ERBB4: variants seen among roughly 807,000 people sequenced by gnomAD.
ERBB4 encodes the protein receptor tyrosine-protein kinase erbB-4.
In ERBB4, 42 loss-of-function variants were observed where a neutral mutation model predicts 158.0. That is an observed-to-expected ratio of 0.27 (90% confidence interval 0.21 to 0.34). The LOEUF (loss-of-function observed/expected upper bound fraction) is 0.34. Ranked by LOEUF, ERBB4 falls within the 10% of genes least tolerant of loss-of-function variation. The probability of loss-of-function intolerance (pLI) is 1.00; values close to 1 mark genes in which losing one functional copy is unlikely to be tolerated. For missense variants in ERBB4, 1,333 were observed against 1,624.1 expected (o/e 0.82, Z 3.08); for synonymous variants, 583 against 558.7 (o/e 1.04, Z -0.61).
At chr2:212,259,508 C>T (rs970136433) in intron 1 of ERBB4, among the ~76,000 whole-genome samples, 28 of 152,082 alleles carry the variant, frequency 1.8e-4, no homozygotes, top group African/African-American at 6.5e-4. Flanking sequence ...GACACAAGTA[C>T]GGATCTGTTG....
At chr2:211,494,780 T>C (rs949325941) in intron 20 of ERBB4, among the ~76,000 whole-genome samples, 2 of 152,150 alleles carry the variant, frequency 1.3e-5, no homozygotes, top group African/African-American at 4.8e-5. Flanking sequence ...GTTATTTAAT[T>C]GGCTGCTTTC....
At chr2:212,264,279 A>T (rs1017646826) in intron 1 of ERBB4, among the ~76,000 whole-genome samples, 1 of 152,118 alleles carries the variant, frequency 6.6e-6, no homozygotes, top group Non-Finnish European at 1.5e-5. Context: ...ACTAAGGAAA[A>T]GCTCTCGTTG....
chr2:211,682,056 A>ACACACACT (rs753328020), intron 12 of ERBB4, among the ~76,000 whole-genome samples: 1 of 104,436 alleles, frequency 9.6e-6, no homozygotes, highest in Non-Finnish European at 2.2e-5. Flanking sequence ...CACATCACAC[A>ACACACACT]CACACACACA....
chr2:212,062,268 G>C (rs966136244), intron 2 of ERBB4, among the ~76,000 whole-genome samples: 2 of 152,026 alleles, frequency 1.3e-5, no homozygotes, highest in Non-Finnish European at 2.9e-5. Context: ...CTTTTCTACA[G>C]ATCTCCATTC....
chr2:211,791,448 C>T (rs1282305586), intron 3 of ERBB4, among the ~76,000 whole-genome samples: 1 of 151,580 alleles, frequency 6.6e-6, no homozygotes, highest in Non-Finnish European at 1.5e-5. Flanking sequence ...GAAAGATAGG[C>T]AAAGGAGGCA....
chr2:211,487,450 T>C (rs1397602259), intron 20 of ERBB4, among the ~76,000 whole-genome samples: 2 of 152,096 alleles, frequency 1.3e-5, no homozygotes, highest in African/African-American at 2.4e-5. Context: ...GTCAACTTTG[T>C]TTTTTAACTG....
intron 1 of ERBB4, among the ~76,000 whole-genome samples, chr2:212,187,421 T>TA (rs61071336): frequency 0.034 from 4,993 of 146,758 alleles, 124 homozygotes; most frequent in Non-Finnish European, 0.047. Context: ...TAAAGTATAA[T>TA]AATAAATAAA....
intron 3 of ERBB4, among the ~76,000 whole-genome samples, chr2:211,812,467 G>T (rs1280891374): frequency 3.3e-5 from 5 of 152,208 alleles, no homozygotes; most frequent in Non-Finnish European, 5.9e-5. Flanking sequence ...CCTACTGGGA[G>T]GTGTCTCCCA....
At chr2:211,923,182 C>G (rs888243373) in intron 3 of ERBB4, among the ~76,000 whole-genome samples, 2 of 151,928 alleles carry the variant, frequency 1.3e-5, no homozygotes. Context: ...GAAGACAAGA[C>G]GGCAAAGCAG....
chr2:211,715,290 C>T (rs1245367299), intron 7 of ERBB4, among the ~76,000 whole-genome samples: 2 of 152,064 alleles, frequency 1.3e-5, no homozygotes, highest in Non-Finnish European at 2.9e-5. Flanking sequence ...AGTCAATATC[C>T]ACATGAAAGC....
rs916769212 is a variant in ERBB4, at chr2:211,513,373, A to C, written c.2487+48530T>G. Reference sequence around the variant, plus strand: ...ACTCCGTCTCAAAAAAAAAAAAAAAAAAACAAAAAAAAAACACTGATCCTA... The same window carrying C: ...ACTCCGTCTCAAAAAAAAAAAAAAACAAACAAAAAAAAAACACTGATCCTA... On this transcript the variant is annotated intron_variant, in intron 20 of 27. Transcript: ENST00000342788. 1.4e-4 allele frequency among the ~76,000 whole-genome samples: 11 copies of C among 76,502 alleles called. No homozygotes were observed. In the East Asian group the frequency reaches 1.9e-3, roughly 13 times the overall value. The allele number at this position is 76,502 out of a possible 152,430, so 50.2% of individuals were successfully genotyped here.
intron 3 of ERBB4, among the ~76,000 whole-genome samples, chr2:211,915,326 C>T (rs368904760): frequency 6.6e-6 from 1 of 151,858 alleles, no homozygotes; most frequent in South Asian, 2.1e-4. Flanking sequence ...TCATTTATTC[C>T]CTTCAATAAC....
intron 1 of ERBB4, among the ~76,000 whole-genome samples, chr2:212,429,709 C>T (rs1425637055): frequency 1.3e-5 from 2 of 151,922 alleles, no homozygotes; most frequent in Non-Finnish European, 2.9e-5. Flanking sequence ...ACATGATGAA[C>T]ACATGATGAA....
At chr2:211,908,606 G>C (rs1196604375) in intron 3 of ERBB4, among the ~76,000 whole-genome samples, 1 of 151,764 alleles carries the variant, frequency 6.6e-6, no homozygotes, top group Non-Finnish European at 1.5e-5. Context: ...AACACCCACT[G>C]AATCAGGTTG....
intron 1 of ERBB4, among the ~76,000 whole-genome samples, chr2:212,354,752 C>G (rs530860437): frequency 7.9e-5 from 12 of 151,736 alleles, no homozygotes; most frequent in Admixed American, 7.2e-4. Context: ...GAAAGAGAAG[C>G]AAAAAAGGTA....
chr2:211,543,679 C>T (rs958884622), intron 20 of ERBB4, among the ~76,000 whole-genome samples: 9 of 151,700 alleles, frequency 5.9e-5, no homozygotes, highest in African/African-American at 1.9e-4. Flanking sequence ...TTTTGTATCA[C>T]AGTCCATAGG....
intron 20 of ERBB4, among the ~76,000 whole-genome samples, chr2:211,484,199 T>C (rs982397130): frequency 2.6e-5 from 4 of 151,934 alleles, no homozygotes; most frequent in Admixed American, 1.3e-4. Flanking sequence ...GATAGAGTCA[T>C]AATAATTAAT....
chr2:211,987,990 C>T (rs954683826), intron 2 of ERBB4, among the ~76,000 whole-genome samples: 1 of 152,132 alleles, frequency 6.6e-6, no homozygotes, highest in African/African-American at 2.4e-5. Flanking sequence ...AGTGACATTA[C>T]AAATTTCTGG....
chr2:211,866,361 C>G (rs1221523919), intron 3 of ERBB4, among the ~76,000 whole-genome samples: 1 of 151,968 alleles, frequency 6.6e-6, no homozygotes, highest in Non-Finnish European at 1.5e-5. Context: ...GGATGTTTTC[C>G]TATTTTGTAA....
Sources: gnomAD v4.1 joint callset for allele counts (sites outside exome capture counted in the v4.1 genomes callset) on GRCh38, gnomAD v4.1.1 for gene constraint, MANE v1.5 for transcripts, NCBI Gene and HGNC (gene_info 2026-07-23, HGNC 2026-07-21) for gene names.